SEL1L2: variants seen among roughly 807,000 people sequenced by gnomAD.
SEL1L2 encodes SEL1L2 adaptor subunit of SYVN1 ubiquitin ligase.
SEL1L2 carries 89 observed loss-of-function variants against 98.8 expected under a neutral mutation model. The ratio of observed to expected loss-of-function variants is 0.90; its 90% CI spans 0.76 to 1.07. The LOEUF (loss-of-function observed/expected upper bound fraction) is 1.07. Among genes scored for constraint, SEL1L2 ranks in the 50% least tolerant of loss-of-function variants. The pLI is 0.00. For missense variants in SEL1L2, 788 were observed against 812.0 expected, an observed-to-expected ratio of 0.97 and a Z score of 0.36; for synonymous variants, 262 against 278.5, an observed-to-expected ratio of 0.94 and a Z score of 0.59.
At chr20:13,973,397 A>G (rs1817090792) in intron 1 of SEL1L2, 1 of 152,192 alleles carries the variant, frequency 6.6e-6, no homozygotes, top group African/African-American at 2.4e-5. Flanking sequence ...TTCAAACTGT[A>G]GAATATGTAA....
At position 13,865,243 on chromosome 20, in the gene SEL1L2, T is replaced by G. The variant is rs1990805128; in HGVS notation, c.1571-2A>C. 1 of 1,613,142 alleles carries G rather than the reference T, an allele frequency of 6.2e-7. No individual in the cohort carries two copies. The highest frequency in any genetic ancestry group is 1.3e-5 in the African/African-American group (1 of 74,902). On this transcript the variant is annotated splice_acceptor_variant, in intron 16 of 19. Coordinates refer to ENST00000284951, the MANE Select transcript of SEL1L2 (RefSeq NM_025229.2). LOFTEE classifies it high-confidence loss of function. Reference sequence around the variant, plus strand: ...CTTTTTCAAGAATGTTAGCCTTTTCTAAAAAGAGGAGACATTCCATTAGGA... The same window carrying G: ...CTTTTTCAAGAATGTTAGCCTTTTCGAAAAAGAGGAGACATTCCATTAGGA...
chr20:13,955,559 G>T (rs1021010493), intron 2 of SEL1L2, among the ~76,000 whole-genome samples: 2 of 152,128 alleles, frequency 1.3e-5, no homozygotes, highest in African/African-American at 4.8e-5. Context: ...TAATAAGCAA[G>T]CCATTGTAAT....
intron 5 of SEL1L2, among the ~76,000 whole-genome samples, chr20:13,897,312 A>G (rs1274217473): frequency 6.6e-6 from 1 of 152,204 alleles, no homozygotes; most frequent in Non-Finnish European, 1.5e-5. Context: ...CCTCAAAGAA[A>G]CTATAGAGGA....
At chr20:13,960,055 G>A (rs1204073251) in intron 1 of SEL1L2, among the ~76,000 whole-genome samples, 1 of 152,120 alleles carries the variant, frequency 6.6e-6, no homozygotes, top group Non-Finnish European at 1.5e-5. Context: ...CATTGTGACT[G>A]ATATTATAGT....
At chr20:13,951,272 G>A (rs866298878) in intron 2 of SEL1L2, among the ~76,000 whole-genome samples, 7 of 31,056 alleles carry the variant, frequency 2.3e-4, no homozygotes, top group Admixed American at 5.2e-4. Context: ...GCGAGACTCC[G>A]TCTCAAAAAA....
chr20:13,853,402 C>CG lies in SEL1L2; in HGVS notation c.1819-3084dup, dbSNP rs1242169402. Among the ~76,000 whole-genome samples the CG allele has an allele frequency of 4.6e-5, 7 of 150,928 alleles. No individual in the cohort carries two copies. The East Asian group carries it at 1.4e-3, about 29-fold the overall frequency. On this transcript the variant is annotated intron_variant, in intron 18 of 19. Coordinates refer to ENST00000284951, the MANE Select transcript of SEL1L2 (RefSeq NM_025229.2). ...TTTGTATTTTTTTTTTTTGTAGAGA[C>CG]GGGGTTTCACCATGATGCCCAGGCT... is the stretch of plus-strand genomic sequence containing the variant.
At chr20:13,872,401 G>A (rs902910672) in intron 12 of SEL1L2, among the ~76,000 whole-genome samples, 2 of 152,180 alleles carry the variant, frequency 1.3e-5, no homozygotes, top group African/African-American at 2.4e-5. Flanking sequence ...GGCTTTATAA[G>A]GGGCTTTTCC....
chr20:13,954,993 A>G (rs1178023594), intron 2 of SEL1L2, among the ~76,000 whole-genome samples: 2 of 152,226 alleles, frequency 1.3e-5, no homozygotes, highest in East Asian at 3.8e-4. Flanking sequence ...GTTGCAATGT[A>G]CAGAGGGGTT....
At chr20:13,896,688 A>G (rs1262851459) in intron 5 of SEL1L2, among the ~76,000 whole-genome samples, 1 of 152,198 alleles carries the variant, frequency 6.6e-6, no homozygotes, top group African/African-American at 2.4e-5. Flanking sequence ...AATACTTAGG[A>G]ATAAACTTAA....
At chr20:13,886,885 C>T (rs1274562162) in intron 8 of SEL1L2, among the ~76,000 whole-genome samples, 1 of 146,850 alleles carries the variant, frequency 6.8e-6, no homozygotes, top group South Asian at 2.1e-4. Flanking sequence ...GATACTCTGT[C>T]TCAAAAAAAA....
Position 13,931,749 on chromosome 20 carries a change from T to C in SEL1L2, c.137A>G (p.Gln46Arg), listed in dbSNP as rs202083012. Residue 46 changes from glutamine to arginine, a missense_variant, in exon 3 of 20, where the codon CAA becomes CGA. Coordinates refer to ENST00000284951, the MANE Select transcript of SEL1L2 (RefSeq NM_025229.2). ...TTQVSVNEIK[Q>R]YLSHILEQRT... ...TTGTTCCAATATGTGTGATAAATATTGTTTGATTTCGTTCACTGATACCTA... is the reference window on the plus strand; with the variant it reads ...TTGTTCCAATATGTGTGATAAATATCGTTTGATTTCGTTCACTGATACCTA... The C allele has an allele frequency of 1.1e-5, 17 of 1,546,572 alleles. No homozygotes were observed. The East Asian group carries it at 3.8e-4, about 34-fold the overall frequency.
intron 5 of SEL1L2, 53 bp from the exon 6 acceptor site, chr20:13,888,565 A>G: frequency 1.1e-6 from 1 of 899,218 alleles, no homozygotes; most frequent in Non-Finnish European, 1.8e-6. Flanking sequence ...TTTCCTAATT[A>G]TCTATATGGA....
chr20:13,924,288 C>CT (rs59961411), intron 3 of SEL1L2, among the ~76,000 whole-genome samples: 3 of 148,826 alleles, frequency 2.0e-5, no homozygotes, highest in African/African-American at 4.9e-5. Context: ...TTTTGTTTTT[C>CT]TTTTTTTTTC....
chr20:13,969,193 C>T (rs2051177553), intron 1 of SEL1L2, among the ~76,000 whole-genome samples: 1 of 152,174 alleles, frequency 6.6e-6, no homozygotes, highest in Admixed American at 6.5e-5. Context: ...AAATAGGCAG[C>T]AAGGTGGCCT....
chr20:13,884,201 AGTT>A (rs2046838321), intron 10 of SEL1L2, among the ~76,000 whole-genome samples: 1 of 152,204 alleles, frequency 6.6e-6, no homozygotes, highest in East Asian at 1.9e-4. Context: ...AGCCTTATAA[AGTT>A]GTTTCTATCA....
At chr20:13,982,955 C>T (rs1322158646) in intron 1 of SEL1L2, among the ~76,000 whole-genome samples, 2 of 132,842 alleles carry the variant, frequency 1.5e-5, no homozygotes, top group South Asian at 2.5e-4. Flanking sequence ...ACCCAGGAGG[C>T]GGAGGTTGCA....
At chr20:13,867,223 A>T (rs1311399827) in intron 14 of SEL1L2, among the ~76,000 whole-genome samples, 1 of 152,166 alleles carries the variant, frequency 6.6e-6, no homozygotes, top group Admixed American at 6.5e-5. Flanking sequence ...ATCCTTCCAT[A>T]TCAGGACACC....
Position 13,956,023 on chromosome 20 carries a change from C to A in SEL1L2, c.114+53G>T. 6.3e-6 allele frequency: 6 copies of A among 957,162 alleles called. 1 individual carries two copies. In the South Asian group the frequency reaches 8.5e-5, roughly 13 times the overall value. 59.3% of individuals were successfully genotyped at this position (957,162 alleles called of 1,614,324 possible). A position where few individuals can be genotyped will look rare whatever the true frequency, so the allele number is the denominator to read the frequency against. On this transcript the variant is annotated intron_variant, in intron 2 of 19. Transcript: ENST00000284951. ...TCTGAGTATCCTGAAAAAACTAGTG[C>A]CTATAGCCTAAATTTTCTATTAAAA...
At chr20:13,936,541 G>A (rs1041849197) in intron 2 of SEL1L2, among the ~76,000 whole-genome samples, 2 of 152,076 alleles carry the variant, frequency 1.3e-5, no homozygotes, top group African/African-American at 4.8e-5. Flanking sequence ...ACTCCTCTGT[G>A]GTCCCCATCC....
Sources: allele counts gnomAD v4.1 joint callset (sites outside exome capture counted in the v4.1 genomes callset), GRCh38; gene constraint gnomAD v4.1.1; transcripts MANE v1.5; gene names NCBI Gene and HGNC (gene_info 2026-07-23, HGNC 2026-07-21).